The following PIP4P2 variants were observed in gnomAD, a reference collection of about 807,000 sequenced individuals.
The protein encoded by PIP4P2 is phosphatidylinositol-4,5-bisphosphate 4-phosphatase 2.
PIP4P2 carries 19 observed loss-of-function variants against 33.3 expected under a neutral mutation model. That is an observed-to-expected ratio of 0.57 (90% CI 0.40 to 0.84). The LOEUF (loss-of-function observed/expected upper bound fraction) is 0.84. Ranked by LOEUF, PIP4P2 falls within the 40% of genes least tolerant of loss-of-function variation. The pLI is 0.00. For synonymous variants in PIP4P2, 110 were observed against 111.9 expected, an observed-to-expected ratio of 0.98 and a Z score of 0.11; for missense variants, 270 against 324.7, an observed-to-expected ratio of 0.83 and a Z score of 1.29.
intron 2 of PIP4P2, among the ~76,000 whole-genome samples, chr8:91,020,786 T>C (rs140439026): frequency 2.0e-5 from 3 of 152,188 alleles, no homozygotes; most frequent in African/African-American, 7.2e-5. Context: ...TTGGCACAGA[T>C]GCTAATAATA....
intron 4 of PIP4P2, among the ~76,000 whole-genome samples, chr8:91,009,073 C>T (rs1003955377): frequency 4.6e-5 from 7 of 152,134 alleles, no homozygotes; most frequent in African/African-American, 1.4e-4. Context: ...TTGGGGTCAT[C>T]TTGTTCAGTA....
chr8:91,009,162 G>A (rs918527436), intron 4 of PIP4P2, among the ~76,000 whole-genome samples: 7 of 152,076 alleles, frequency 4.6e-5, no homozygotes, highest in Admixed American at 3.9e-4. Flanking sequence ...CTTGAGGGCT[G>A]GCCTTTTAAA....
At chr8:91,002,476 C>T (rs1342087399) in intron 5 of PIP4P2, among the ~76,000 whole-genome samples, 2 of 152,082 alleles carry the variant, frequency 1.3e-5, no homozygotes, top group Non-Finnish European at 2.9e-5. Flanking sequence ...GGTAGTGTAG[C>T]TAGTGCTACA....
rs559062833 is a variant in PIP4P2, at chr8:91,035,332, G to A, written c.106+5312C>T. ...TGGAATATTACATTAGATGGAAATA[G>A]ATAATTCTTCAATTCTTTAAAAAGA... On this transcript the variant is annotated intron_variant, in intron 1 of 6. Transcript: ENST00000285419. 3.3e-5 allele frequency among the ~76,000 whole-genome samples: 5 copies of A among 152,298 alleles called. No homozygotes were observed. The East Asian group carries it at 5.8e-4, about 18-fold the overall frequency.
At chr8:91,018,898 C>T (rs2130367790) in intron 3 of PIP4P2, among the ~76,000 whole-genome samples, 1 of 152,140 alleles carries the variant, frequency 6.6e-6, no homozygotes, top group African/African-American at 2.4e-5. Context: ...CATGAAGGCA[C>T]CGAAGGGCTG....
At chr8:91,018,603 T>A (rs1563565822) in intron 3 of PIP4P2, 90 bp from the exon 4 acceptor site, 2 of 1,541,752 alleles carry the variant, frequency 1.3e-6, no homozygotes, top group African/African-American at 1.4e-5. Context: ...TGAAATGTGC[T>A]ATACTTGTTT....
intron 5 of PIP4P2, among the ~76,000 whole-genome samples, chr8:91,008,096 C>G (rs1427741852): frequency 6.6e-6 from 1 of 152,104 alleles, no homozygotes; most frequent in Non-Finnish European, 1.5e-5. Context: ...ATAAATCATA[C>G]CTGTGAGTAC....
intron 3 of PIP4P2, among the ~76,000 whole-genome samples, chr8:91,019,410 A>T (rs868139385): frequency 0.019 from 2,694 of 142,616 alleles, 78 homozygotes; most frequent in Middle Eastern, 0.033. Flanking sequence ...AAAAAAAAAA[A>T]AAAAAAAAAA....
chr8:91,003,237 C>G (rs1445220910), intron 5 of PIP4P2, among the ~76,000 whole-genome samples: 1 of 152,092 alleles, frequency 6.6e-6, no homozygotes, highest in East Asian at 1.9e-4. Flanking sequence ...TAGGAACTAC[C>G]ACTCTAGTAA....
intron 5 of PIP4P2, among the ~76,000 whole-genome samples, chr8:91,001,053 T>C: frequency 6.6e-6 from 1 of 152,110 alleles, no homozygotes; most frequent in Non-Finnish European, 1.5e-5. Context: ...CTATTGTTTC[T>C]TTCTATATCT....
intron 1 of PIP4P2, among the ~76,000 whole-genome samples, chr8:91,033,350 T>C (rs1812195991): frequency 6.6e-6 from 1 of 152,214 alleles, no homozygotes; most frequent in Admixed American, 6.5e-5. Context: ...GATATAACCT[T>C]GTACCTACTT....
chr8:90,994,912 C>T lies in PIP4P2; in HGVS notation c.*765G>A, dbSNP rs576302820. On this transcript the variant is annotated 3_prime_UTR_variant, in exon 7 of 7. Transcript: ENST00000285419. Reference sequence around the variant, plus strand: ...TAAAGGAATACATAGAGCTGATAAACATTAAATTCCATAATCCAGACCAGA... The same window carrying T: ...TAAAGGAATACATAGAGCTGATAAATATTAAATTCCATAATCCAGACCAGA... The T allele has an allele frequency of 6.6e-5, 10 of 152,112 alleles. No homozygotes were observed. The highest frequency in any genetic ancestry group is 2.4e-4 in the African/African-American group (10 of 41,536). 9.4% of individuals were successfully genotyped at this position (152,112 alleles called of 1,614,324 possible).
intron 5 of PIP4P2, among the ~76,000 whole-genome samples, chr8:91,006,683 G>T (rs551236418): frequency 2.0e-5 from 3 of 152,158 alleles, no homozygotes; most frequent in Non-Finnish European, 4.4e-5. Flanking sequence ...AGAGGTCTCT[G>T]TCAGGCCAGG....
intron 5 of PIP4P2, among the ~76,000 whole-genome samples, chr8:91,000,425 CA>C (rs1811686078): frequency 6.6e-6 from 1 of 150,634 alleles, no homozygotes; most frequent in Admixed American, 6.6e-5. Flanking sequence ...GTAAGGGTAC[CA>C]GGATGGTAGA....
intron 5 of PIP4P2, among the ~76,000 whole-genome samples, chr8:91,005,544 A>G (rs1364721926): frequency 6.6e-6 from 1 of 152,154 alleles, no homozygotes; most frequent in African/African-American, 2.4e-5. Flanking sequence ...TATTCTCCCC[A>G]CTATGCCCAC....
chr8:91,019,407 AAAAAAAAAAAAAAAAAAT>A (rs1429808109), intron 3 of PIP4P2, among the ~76,000 whole-genome samples: 1 of 141,088 alleles, frequency 7.1e-6, no homozygotes, highest in Non-Finnish European at 1.6e-5. Flanking sequence ...AAAAAAAAAA[AAAAAAAAAAAAAAAAAAT>A]ATATTACCTG....
chr8:91,023,176 G>A (rs1336186040), intron 1 of PIP4P2, among the ~76,000 whole-genome samples: 1 of 150,946 alleles, frequency 6.6e-6, no homozygotes, highest in Non-Finnish European at 1.5e-5. Flanking sequence ...CACACTGCCT[G>A]GTATATGATA....
intron 1 of PIP4P2, among the ~76,000 whole-genome samples, chr8:91,037,845 A>G (rs1288665452): frequency 2.0e-5 from 3 of 152,222 alleles, no homozygotes; most frequent in African/African-American, 7.2e-5. Context: ...GTTATATCCT[A>G]ACTACAAAAT....
intron 5 of PIP4P2, among the ~76,000 whole-genome samples, chr8:91,006,349 T>C (rs563592827): frequency 2.6e-5 from 4 of 152,348 alleles, no homozygotes; most frequent in Non-Finnish European, 5.9e-5. Flanking sequence ...ATTTATTCCA[T>C]GTGAATTTCT....
Sources: gnomAD v4.1 joint callset for allele counts (sites outside exome capture counted in the v4.1 genomes callset) on GRCh38, gnomAD v4.1.1 for gene constraint, MANE v1.5 for transcripts, NCBI Gene and HGNC (gene_info 2026-07-23, HGNC 2026-07-21) for gene names.